Variants in CARM1 observed in about 807,000 individuals in gnomAD.
The protein encoded by CARM1 is histone-arginine methyltransferase CARM1.
CARM1 carries 14 observed loss-of-function variants against 72.7 expected under a neutral mutation model. The ratio of observed to expected loss-of-function variants is 0.19; its 90% CI spans 0.13 to 0.30. The LOEUF is 0.30. Ranked by LOEUF, CARM1 falls within the 10% of genes least tolerant of loss-of-function variation. The pLI, the probability that CARM1 is intolerant of heterozygous loss-of-function variation, is 1.00. For synonymous variants in CARM1, 333 were observed against 345.5 expected, an observed-to-expected ratio of 0.96 and a Z score of 0.40; for missense variants, 432 against 833.7, an observed-to-expected ratio of 0.52 and a Z score of 5.93.
At position 10,871,732 on chromosome 19, in the gene CARM1, G is replaced by C; in HGVS notation, c.30G>C (p.Pro10=). 1 of 1,007,458 alleles carries C rather than the reference G, an allele frequency of 9.9e-7. No individual in the cohort carries two copies. Among genetic ancestry groups the C allele is most frequent in the Non-Finnish European group, 1.2e-6 (1 of 841,762 alleles). 62.4% of individuals were successfully genotyped at this position (1,007,458 alleles called of 1,614,324 possible). Residue 10 remains proline (P), a synonymous_variant, in exon 1 of 16, where the codon CCG becomes CCC. Transcript: ENST00000327064. This position sits in a 1 kb window ranked among gnomAD's most constrained non-coding sequence, Gnocchi z 5.6. ...CAGCGGCGGCGGCGGCGGTGGGGCC[G>C]GGCGCGGGCGGCGCGGGGTCGGCGG... The part of the protein sequence containing the change: MAAAAAAVG[P]GAGGAGSAVP...
chr19:10,890,795 A>ATATATTTTTTTTTTTTTT (rs1217665879), intron 1 of CARM1, among the ~76,000 whole-genome samples: 1 of 47,458 alleles, frequency 2.1e-5, no homozygotes, highest in Non-Finnish European at 3.4e-5. Flanking sequence ...ATATATATAT[A>ATATATTTTTTTTTTTTTT]TTTTTTTTTT....
intron 2 of CARM1, among the ~76,000 whole-genome samples, chr19:10,905,942 C>CTTTTTTTTTTTTTTTT (rs35328638): frequency 1.9e-5 from 2 of 103,444 alleles, no homozygotes; most frequent in African/African-American, 7.8e-5. Flanking sequence ...TGCCCGGCCC[C>CTTTTTTTTTTTTTTTT]TTTTTTTTTT....
At chr19:10,891,773 T>G (rs1487180227) in intron 1 of CARM1, among the ~76,000 whole-genome samples, 2 of 152,238 alleles carry the variant, frequency 1.3e-5, no homozygotes, top group Non-Finnish European at 2.9e-5. Flanking sequence ...GGGTGTAACA[T>G]GAAAAGTCAG....
Position 10,920,312 on chromosome 19 carries a change from C to A in CARM1, c.1197-124C>A. On this transcript the variant is annotated intron_variant, in intron 10 of 15. Coordinates refer to ENST00000327064, the MANE Select transcript of CARM1 (RefSeq NM_199141.2). This position sits in a 1 kb window ranked among gnomAD's most constrained non-coding sequence, Gnocchi z 5.3. ...CTGCCTGGGGGCCAGCCTGTCTCTGCTCCAGGGTCCCAGGGGTCCCTGGCA... is the reference window on the plus strand; with the variant it reads ...CTGCCTGGGGGCCAGCCTGTCTCTGATCCAGGGTCCCAGGGGTCCCTGGCA... 1 of 1,180,900 alleles carries A rather than the reference C, an allele frequency of 8.5e-7. No individual in the cohort carries two copies. The highest frequency in any genetic ancestry group is 1.2e-6 in the Non-Finnish European group (1 of 850,108). 73.2% of individuals were successfully genotyped at this position (1,180,900 alleles called of 1,614,324 possible).
chr19:10,902,138 C>T (rs1172090263), intron 1 of CARM1, among the ~76,000 whole-genome samples: 2 of 151,942 alleles, frequency 1.3e-5, no homozygotes, highest in African/African-American at 2.4e-5. Flanking sequence ...CCCAGCTACT[C>T]GGGAGGCTGA....
chr19:10,872,081 C>T (rs2073823228), intron 1 of CARM1, among the ~76,000 whole-genome samples, 159 bp downstream of exon 1: 1 of 151,786 alleles, frequency 6.6e-6, no homozygotes, highest in African/African-American at 2.4e-5. Context: ...AGGGCCGGTG[C>T]CAGGGGACAG....
At chr19:10,888,296 T>A (rs970925849) in intron 1 of CARM1, among the ~76,000 whole-genome samples, 2 of 152,188 alleles carry the variant, frequency 1.3e-5, no homozygotes, top group Non-Finnish European at 2.9e-5. Context: ...CCCCTGAGCG[T>A]GGCCCCCAGT....
Position 10,898,024 on chromosome 19 carries a change from G to A in CARM1, c.221-6927G>A, listed in dbSNP as rs529514485. Among the ~76,000 whole-genome samples the A allele has an allele frequency of 6.6e-5, 10 of 150,778 alleles. No individual in the cohort carries two copies. In the South Asian group the frequency reaches 1.9e-3, roughly 29 times the overall value. ...CGGGAGGCTGAGGCAGGAGAATGGC[G>A]TGAACCCCAGGGAGTGGAGCCTGCA... On this transcript the variant is annotated intron_variant, in intron 1 of 15. Transcript: ENST00000327064.
Position 10,920,728 on chromosome 19 carries a change from T to C in CARM1, c.1404T>C (p.Asp468=). The C allele has an allele frequency of 6.2e-7, 1 of 1,614,046 alleles. No individual in the cohort carries two copies. The highest frequency in any genetic ancestry group is 1.1e-5 in the South Asian group (1 of 91,086). ...QTGSKSSNLL[D]LKNPFFRYTG... is the part of the protein sequence containing the mutation. ...GCTCCAAGTCCAGTAACCTCCTGGA[T>C]CTGAAAAACCCCTTCTTTAGGTAGG... Residue 468 remains aspartate (D), a synonymous_variant, in exon 12 of 16, where the codon GAT becomes GAC. Coordinates refer to ENST00000327064, the MANE Select transcript of CARM1 (RefSeq NM_199141.2). The surrounding 1 kb of genome is among the most constrained non-coding windows in gnomAD (Gnocchi z 5.3).
Position 10,908,086 on chromosome 19 carries a change from C to G in CARM1, c.394C>G (p.Leu132Val). 6.2e-7 allele frequency: 1 copy of G among 1,614,070 alleles called. No individual in the cohort carries two copies. The highest frequency in any genetic ancestry group is 1.1e-5 in the South Asian group (1 of 91,078). The change falls in exon 3 of 16, where the codon CTG becomes GTG. Residue 132 changes from leucine to valine, a missense_variant. Transcript: ENST00000327064. Reference sequence around the variant, plus strand: ...CCTGAAAACCTGCCGGGGCCACACCCTGGAGCGGTCTGTGTTCAGCGAGCG... The same window carrying G: ...CCTGAAAACCTGCCGGGGCCACACCGTGGAGCGGTCTGTGTTCAGCGAGCG... ...NILKTCRGHTLERSVFSERTE... is the reference protein window; with the variant it reads ...NILKTCRGHTVERSVFSERTE...
intron 4 of CARM1, among the ~76,000 whole-genome samples, 185 bp from the exon 5 acceptor site, chr19:10,911,999 C>T (rs1464684080): frequency 6.6e-6 from 1 of 152,220 alleles, no homozygotes; most frequent in African/African-American, 2.4e-5. Flanking sequence ...CAGGGCTTCT[C>T]CTCCCGGAGG....
intron 8 of CARM1, among the ~76,000 whole-genome samples, chr19:10,917,091 AAAG>A (rs1447350788): frequency 1.3e-5 from 2 of 151,966 alleles, no homozygotes; most frequent in Non-Finnish European, 2.9e-5. Flanking sequence ...TAAAAATAAA[AAAG>A]AACCATTACT....
Position 10,912,114 on chromosome 19 carries a change from T to C in CARM1, c.559-70T>C, listed in dbSNP as rs1255005686. 4.6e-6 allele frequency: 5 copies of C among 1,086,302 alleles called. No homozygotes were observed. Among genetic ancestry groups the C allele is most frequent in the African/African-American group, 1.5e-5 (1 of 64,862 alleles). The allele number at this position is 1,086,302 out of a possible 1,614,324, so 67.3% of individuals were successfully genotyped here. A position where few individuals can be genotyped will look rare whatever the true frequency, so the allele number is the denominator to read the frequency against. On this transcript the variant is annotated intron_variant, in intron 4 of 15. Transcript: ENST00000327064. The surrounding 1 kb of genome is among the most constrained non-coding windows in gnomAD (Gnocchi z 4.5). ...GACGCCTCATGATGTGCACATCCCT[T>C]ATGATCACTGTCACCTCCCCATCAC... is the stretch of plus-strand genomic sequence containing the variant.
rs2074196517 is a variant in CARM1, at chr19:10,916,295, A to T, written c.848-112A>T. 1.4e-6 allele frequency: 1 copy of T among 701,096 alleles called. No individual in the cohort carries two copies. 43.4% of individuals were successfully genotyped at this position (701,096 alleles called of 1,614,324 possible). Reference sequence around the variant, plus strand: ...GTCACAGGAGTGCAGGAACGAATGGATGACAGGCTGGGAGCACCCAGGGTT... The same window carrying T: ...GTCACAGGAGTGCAGGAACGAATGGTTGACAGGCTGGGAGCACCCAGGGTT... On this transcript the variant is annotated intron_variant, in intron 6 of 15. Transcript: ENST00000327064. The surrounding 1 kb of genome is among the most constrained non-coding windows in gnomAD (Gnocchi z 4.4).
intron 1 of CARM1, among the ~76,000 whole-genome samples, chr19:10,890,791 ATATATTT>A (rs1360952554): frequency 1.0e-5 from 1 of 99,626 alleles, no homozygotes; most frequent in Non-Finnish European, 1.9e-5. Context: ...ATATATATAT[ATATATTT>A]TTTTTTTTTT....
rs372465679 is a variant in CARM1, at chr19:10,909,552, G to T, written c.558+345G>T. Among the ~76,000 whole-genome samples, 12 of 152,124 alleles carry T rather than the reference G, an allele frequency of 7.9e-5. No individual in the cohort carries two copies. The East Asian group carries it at 1.9e-3, about 25-fold the overall frequency. On this transcript the variant is annotated intron_variant, in intron 4 of 15. Transcript: ENST00000327064. ...AGATCGAGACCATCCTGGCTAACAC[G>T]ATGAAACCCCGTCTCTACTAAAAAA...
intron 1 of CARM1, among the ~76,000 whole-genome samples, chr19:10,874,782 G>A (rs1459262429): frequency 6.6e-6 from 1 of 152,212 alleles, no homozygotes; most frequent in African/African-American, 2.4e-5. Flanking sequence ...AGCACTTTGA[G>A]AGGTTGAGGC....
In CARM1 at chr19:10,916,784, A is replaced by G. The variant is rs770151494; in HGVS notation, c.1020+7A>G. 6.5e-7 allele frequency: 1 copy of G among 1,542,050 alleles called. No individual in the cohort carries two copies. The highest frequency in any genetic ancestry group is 8.8e-7 in the Non-Finnish European group (1 of 1,139,068). On this transcript the variant is annotated splice_region_variant and intron_variant, in intron 8 of 15. Coordinates refer to ENST00000327064, the MANE Select transcript of CARM1 (RefSeq NM_199141.2). The surrounding 1 kb of genome is among the most constrained non-coding windows in gnomAD (Gnocchi z 4.4). The stretch of plus-strand genomic sequence containing the variant: ...TTTCCGGCAGCCTGTGGTGGTGAGT[A>G]GGGCCTCCAGGGTACTGCTGCAGTG...
intron 1 of CARM1, among the ~76,000 whole-genome samples, chr19:10,881,396 T>G (rs371664059): frequency 6.6e-6 from 1 of 152,092 alleles, no homozygotes; most frequent in Non-Finnish European, 1.5e-5. Flanking sequence ...CAGCACCTGA[T>G]TGGGGAGTGG....
Sources: gnomAD v4.1 joint callset for allele counts (sites outside exome capture counted in the v4.1 genomes callset) on GRCh38, gnomAD v4.1.1 for gene constraint, Gnocchi (gnomAD v3.1) non-coding constraint, MANE v1.5 for transcripts, NCBI Gene and HGNC (gene_info 2026-07-23, HGNC 2026-07-21) for gene names.